Variants in NR3C2 observed in about 807,000 individuals in gnomAD.
NR3C2 encodes the protein mineralocorticoid receptor.
A neutral mutation model predicts 86.4 loss-of-function variants in NR3C2; 15 were observed. That is an observed-to-expected ratio of 0.17 (90% CI 0.12 to 0.27). NR3C2 has a LOEUF of 0.27. NR3C2 is among the 10% of genes least tolerant of loss of function. NR3C2 has a pLI of 1.00. For synonymous variants in NR3C2, 458 were observed against 450.5 expected, an observed-to-expected ratio of 1.02 and a Z score of -0.21; for missense variants, 960 against 1,195.6, an observed-to-expected ratio of 0.80 and a Z score of 2.91.
At chr4:148,102,465 G>A (rs924654757) in intron 8 of NR3C2, among the ~76,000 whole-genome samples, 5 of 152,048 alleles carry the variant, frequency 3.3e-5, no homozygotes, top group Admixed American at 3.3e-4. Flanking sequence ...TCCTGGCCCT[G>A]AGCCCCCTCC....
chr4:148,263,095 T>A (rs1006224711), intron 2 of NR3C2, among the ~76,000 whole-genome samples: 1 of 152,148 alleles, frequency 6.6e-6, no homozygotes, highest in Admixed American at 6.5e-5. Context: ...CCTTTTCTTT[T>A]ATTTCTATAC....
intron 3 of NR3C2, among the ~76,000 whole-genome samples, chr4:148,225,975 CATAAT>C (rs1738140250): frequency 6.6e-6 from 1 of 152,082 alleles, no homozygotes. Flanking sequence ...ATCTGTAATG[CATAAT>C]ATATTAATAA....
chr4:148,366,213 G>GT (rs1358305698), intron 2 of NR3C2, among the ~76,000 whole-genome samples: 1 of 152,030 alleles, frequency 6.6e-6, no homozygotes, highest in East Asian at 1.9e-4. Context: ...CAAAGCAGGT[G>GT]TATCCACATA....
chr4:148,273,002 T>C (rs370048590), intron 2 of NR3C2, among the ~76,000 whole-genome samples: 7 of 152,350 alleles, frequency 4.6e-5, no homozygotes, highest in Middle Eastern at 3.4e-3. Flanking sequence ...TCAGTCTTGC[T>C]TCAAATGTCT....
At chr4:148,302,250 T>C (rs1312203150) in intron 2 of NR3C2, among the ~76,000 whole-genome samples, 3 of 152,174 alleles carry the variant, frequency 2.0e-5, no homozygotes, top group Non-Finnish European at 4.4e-5. Context: ...TTCATGAATA[T>C]CAAGCAAAAC....
chr4:148,125,595 A>T (rs932583855), intron 6 of NR3C2, among the ~76,000 whole-genome samples: 2 of 151,920 alleles, frequency 1.3e-5, no homozygotes, highest in Non-Finnish European at 2.9e-5. Flanking sequence ...TTTTTTTTTT[A>T]AATGCAGAAT....
chr4:148,392,304 T>C (rs1747627150), intron 2 of NR3C2, among the ~76,000 whole-genome samples: 1 of 152,204 alleles, frequency 6.6e-6, no homozygotes, highest in Non-Finnish European at 1.5e-5. Flanking sequence ...TCTATGAATG[T>C]CCTAAAATAT....
chr4:148,187,631 C>A (rs1176042157), intron 4 of NR3C2, among the ~76,000 whole-genome samples: 1 of 152,058 alleles, frequency 6.6e-6, no homozygotes, highest in Non-Finnish European at 1.5e-5. Flanking sequence ...GATTTTCTCC[C>A]ACTCTGTGGG....
intron 3 of NR3C2, 67 bp downstream of exon 3, chr4:148,259,911 T>C (rs1304367479): frequency 1.9e-6 from 3 of 1,581,112 alleles, no homozygotes; most frequent in African/African-American, 2.7e-5. Flanking sequence ...TGCTATAGCA[T>C]TAGCTGTACA....
chr4:148,354,704 A>AT (rs1395651836), intron 2 of NR3C2, among the ~76,000 whole-genome samples: 4 of 152,268 alleles, frequency 2.6e-5, no homozygotes, highest in South Asian at 4.1e-4. Context: ...TAAAATACAG[A>AT]TTTTTTCAAT....
chr4:148,102,201 CCA>C (rs924758904), intron 8 of NR3C2, among the ~76,000 whole-genome samples: 1 of 152,168 alleles, frequency 6.6e-6, no homozygotes, highest in African/African-American at 2.4e-5. Context: ...CCCCATTTGA[CCA>C]CAGTGTTTCC....
intron 2 of NR3C2, among the ~76,000 whole-genome samples, chr4:148,347,936 A>G (rs1512335): frequency 0.78 from 118,236 of 151,966 alleles, 46,523 homozygotes; most frequent in East Asian, 0.85. Flanking sequence ...ACAATAGGCC[A>G]CCCCTGTTTG....
At position 148,435,415 on chromosome 4, in the gene NR3C2, A is replaced by ACCATCAAAG. The variant is rs1749997575; in HGVS notation, c.1437_1445dup (p.Phe480_Gly482dup). 1 of 1,614,076 alleles carries ACCATCAAAG rather than the reference A, an allele frequency of 6.2e-7. No homozygotes were observed. Among genetic ancestry groups the ACCATCAAAG allele is most frequent in the African/African-American group, 1.3e-5 (1 of 74,930 alleles). On this transcript the variant is annotated inframe_insertion, in exon 2 of 9. Coordinates refer to ENST00000358102, the MANE Select transcript of NR3C2 (RefSeq NM_000901.5). ...CTGGGAATCCGCTGCCTTCACAGTT[A>ACCATCAAAG]CCATCAAAGCCGGGCACAGGTGGTC...
intron 4 of NR3C2, 46 bp downstream of exon 4, chr4:148,194,700 C>T (rs373968209): frequency 4.8e-6 from 6 of 1,240,936 alleles, no homozygotes; most frequent in Non-Finnish European, 7.0e-6. Flanking sequence ...AGTGCTGTTG[C>T]ATTACCTATT....
intron 2 of NR3C2, among the ~76,000 whole-genome samples, chr4:148,272,933 A>G (rs565040757): frequency 6.6e-6 from 1 of 152,350 alleles, no homozygotes; most frequent in East Asian, 1.9e-4. Context: ...AAGAAGTTGA[A>G]GTAGGCTGTT....
intron 6 of NR3C2, among the ~76,000 whole-genome samples, chr4:148,128,013 C>G (rs1732830649): frequency 6.6e-6 from 1 of 152,056 alleles, no homozygotes. Context: ...AATATTTTTT[C>G]CTTGCTTTGG....
At chr4:148,351,142 T>C (rs1745251227) in intron 2 of NR3C2, among the ~76,000 whole-genome samples, 1 of 151,786 alleles carries the variant, frequency 6.6e-6, no homozygotes, top group African/African-American at 2.4e-5. Flanking sequence ...GGCTAATCTG[T>C]CTTTTCTTTT....
intron 6 of NR3C2, among the ~76,000 whole-genome samples, chr4:148,147,801 T>C (rs543764686): frequency 3.9e-5 from 6 of 152,242 alleles, no homozygotes; most frequent in African/African-American, 9.6e-5. Context: ...CGAAAGCATA[T>C]AGAACATGTT....
chr4:148,386,122 C>T (rs1747251833), intron 2 of NR3C2, among the ~76,000 whole-genome samples: 1 of 152,148 alleles, frequency 6.6e-6, no homozygotes, highest in African/African-American at 2.4e-5. Flanking sequence ...AATCCCTCCT[C>T]CTCCCAGCCC....
Sources: allele counts gnomAD v4.1 joint callset (sites outside exome capture counted in the v4.1 genomes callset), GRCh38; gene constraint gnomAD v4.1.1; transcripts MANE v1.5; gene names NCBI Gene and HGNC (gene_info 2026-07-23, HGNC 2026-07-21).